The following KIF26B variants were observed in gnomAD, a reference collection of about 807,000 sequenced individuals.
KIF26B encodes the protein kinesin-like protein KIF26B.
Under a neutral mutation model 151.2 loss-of-function variants are expected in KIF26B, and 63 were observed. The ratio of observed to expected loss-of-function variants is 0.42; its 90% CI spans 0.34 to 0.51. The LOEUF (loss-of-function observed/expected upper bound fraction) is 0.51. Ranked by LOEUF, KIF26B falls within the 20% of genes least tolerant of loss-of-function variation. KIF26B has a pLI of 0.07. For missense variants in KIF26B, 2,813 were observed against 2,913.6 expected (o/e 0.97, Z 0.79); for synonymous variants, 1,357 against 1,262.1 (o/e 1.08, Z -1.59).
At chr1:245,270,390 T>C (rs1670837691) in intron 2 of KIF26B, among the ~76,000 whole-genome samples, 1 of 149,632 alleles carries the variant, frequency 6.7e-6, no homozygotes, top group Non-Finnish European at 1.5e-5. Flanking sequence ...TCCTTCTTTG[T>C]TTCCCTTTCC....
chr1:245,258,596 T>G (rs1670581593), intron 2 of KIF26B, among the ~76,000 whole-genome samples: 1 of 152,202 alleles, frequency 6.6e-6, no homozygotes. Flanking sequence ...GATTAGCAAC[T>G]GGCCCCTTTC....
intron 6 of KIF26B, among the ~76,000 whole-genome samples, chr1:245,603,304 G>A (rs1338016890): frequency 1.3e-5 from 2 of 152,152 alleles, no homozygotes; most frequent in Non-Finnish European, 1.5e-5. Flanking sequence ...CTGGCTCAGT[G>A]GAGTGAAGGG....
At chr1:245,446,800 C>T (rs1411686279) in intron 4 of KIF26B, among the ~76,000 whole-genome samples, 2 of 152,166 alleles carry the variant, frequency 1.3e-5, no homozygotes, top group Admixed American at 1.3e-4. Flanking sequence ...ATCCCCAAAG[C>T]ATCAAAATAG....
intron 4 of KIF26B, among the ~76,000 whole-genome samples, chr1:245,519,906 C>A (rs1455410786): frequency 6.6e-6 from 1 of 152,008 alleles, no homozygotes; most frequent in Non-Finnish European, 1.5e-5. Flanking sequence ...TTGGTTTAGC[C>A]CATGTTTTTA....
chr1:245,476,393 G>A (rs572749826), intron 4 of KIF26B, among the ~76,000 whole-genome samples: 14 of 151,760 alleles, frequency 9.2e-5, no homozygotes, highest in African/African-American at 3.4e-4. Context: ...TATACTTATG[G>A]TGAGCTTTAT....
chr1:245,474,669 T>A (rs1321211909), intron 4 of KIF26B, among the ~76,000 whole-genome samples: 4 of 151,832 alleles, frequency 2.6e-5, no homozygotes, highest in African/African-American at 7.2e-5. Context: ...TGCCTTGGCC[T>A]CCCAAAGTGC....
rs1047945171 is a variant in KIF26B, at chr1:245,667,216, C to T, written c.2259-17017C>T. ...TTCTTTCTTTTTTTGAAACACTCTGCCCAGGCTGGAGTGCAGTGGCACGAT... is the reference window on the plus strand; with the variant it reads ...TTCTTTCTTTTTTTGAAACACTCTGTCCAGGCTGGAGTGCAGTGGCACGAT... On this transcript the variant is annotated intron_variant, in intron 10 of 14. Coordinates refer to ENST00000407071, the MANE Select transcript of KIF26B (RefSeq NM_018012.4). The surrounding 1 kb of genome is among the most constrained non-coding windows in gnomAD (Gnocchi z 4.3). 3.9e-5 allele frequency among the ~76,000 whole-genome samples: 6 copies of T among 152,164 alleles called. No homozygotes were observed. The highest frequency in any genetic ancestry group is 1.4e-4 in the African/African-American group (6 of 41,436).
chr1:245,536,050 T>C (rs1402425012), intron 4 of KIF26B, among the ~76,000 whole-genome samples: 2 of 152,192 alleles, frequency 1.3e-5, no homozygotes, highest in African/African-American at 4.8e-5. Flanking sequence ...ATTATCAGAA[T>C]TTAGGTAACT....
chr1:245,300,363 G>T (rs946330197), intron 2 of KIF26B, among the ~76,000 whole-genome samples: 7 of 152,108 alleles, frequency 4.6e-5, no homozygotes, highest in Admixed American at 2.0e-4. Context: ...TCTGGGGATT[G>T]GACCCAGTAG....
At chr1:245,222,467 C>T (rs927079633) in intron 2 of KIF26B, among the ~76,000 whole-genome samples, 2 of 151,946 alleles carry the variant, frequency 1.3e-5, no homozygotes, top group African/African-American at 2.4e-5. Context: ...AAAACACTAA[C>T]GTATACTCTA....
chr1:245,492,422 C>T (rs1210249097), intron 4 of KIF26B, among the ~76,000 whole-genome samples: 2 of 152,152 alleles, frequency 1.3e-5, no homozygotes, highest in East Asian at 1.9e-4. Context: ...AACTATCAAC[C>T]GTCATCTTTA....
chr1:245,466,643 C>T (rs145300927), intron 4 of KIF26B, among the ~76,000 whole-genome samples: 13 of 152,278 alleles, frequency 8.5e-5, no homozygotes, highest in East Asian at 1.9e-4. Flanking sequence ...TCTCTGGTTC[C>T]GGCTGGGCGT....
At chr1:245,332,726 T>C (rs1249091899) in intron 2 of KIF26B, among the ~76,000 whole-genome samples, 1 of 152,156 alleles carries the variant, frequency 6.6e-6, no homozygotes, top group Non-Finnish European at 1.5e-5. Flanking sequence ...TGCTGGCTGG[T>C]TTGCTGGCGC....
chr1:245,477,634 T>G (rs1393745118), intron 4 of KIF26B, among the ~76,000 whole-genome samples: 1 of 151,710 alleles, frequency 6.6e-6, no homozygotes. Flanking sequence ...CAAGCAGGTG[T>G]CTGGATATCT....
chr1:245,518,732 G>C (rs139261251), intron 4 of KIF26B, among the ~76,000 whole-genome samples: 2 of 152,182 alleles, frequency 1.3e-5, no homozygotes, highest in African/African-American at 4.8e-5. Flanking sequence ...CATCTTGGAT[G>C]CTTTTAGTCA....
chr1:245,482,908 G>A lies in KIF26B; in HGVS notation c.1167-57859G>A, dbSNP rs762773190. Among the ~76,000 whole-genome samples, 2 of 151,676 alleles carry A rather than the reference G, an allele frequency of 1.3e-5. 1 individual carries two copies. The highest frequency in any genetic ancestry group is 3.0e-5 in the Non-Finnish European group (2 of 67,782). ...CTGGGAGGGCGGTGTGATGAATCCCGGGCAGCCACACACAGTTTCCGGCAA... is the reference window on the plus strand; with the variant it reads ...CTGGGAGGGCGGTGTGATGAATCCCAGGCAGCCACACACAGTTTCCGGCAA... On this transcript the variant is annotated intron_variant, in intron 4 of 14. Coordinates refer to ENST00000407071, the MANE Select transcript of KIF26B (RefSeq NM_018012.4).
At chr1:245,444,349 A>C (rs899366105) in intron 4 of KIF26B, among the ~76,000 whole-genome samples, 5 of 152,222 alleles carry the variant, frequency 3.3e-5, no homozygotes, top group African/African-American at 1.2e-4. Flanking sequence ...TTTGAGAAAG[A>C]GGCTGACTGT....
chr1:245,275,570 A>G (rs560321564), intron 2 of KIF26B, among the ~76,000 whole-genome samples: 1 of 152,296 alleles, frequency 6.6e-6, no homozygotes, highest in African/African-American at 2.4e-5. Flanking sequence ...TCCCAACACC[A>G]TTTATTAAAT....
chr1:245,268,501 AAT>A (rs1437026142), intron 2 of KIF26B, among the ~76,000 whole-genome samples: 18 of 145,622 alleles, frequency 1.2e-4, no homozygotes, highest in African/African-American at 4.5e-4. Flanking sequence ...TAATAATAAT[AAT>A]AATAATAATA....
Sources: gnomAD v4.1 joint callset for allele counts (sites outside exome capture counted in the v4.1 genomes callset) on GRCh38, gnomAD v4.1.1 for gene constraint, Gnocchi (gnomAD v3.1) non-coding constraint, MANE v1.5 for transcripts, NCBI Gene and HGNC (gene_info 2026-07-23, HGNC 2026-07-21) for gene names.